The following ALDH1A3 variants were observed in gnomAD, a reference collection of about 807,000 sequenced individuals.
ALDH1A3 encodes the protein retinaldehyde dehydrogenase 3.
A neutral mutation model predicts 57.5 loss-of-function variants in ALDH1A3; 28 were observed. The ratio of observed to expected loss-of-function variants is 0.49; its 90% CI spans 0.36 to 0.67. The LOEUF is 0.67. Among genes scored for constraint, ALDH1A3 ranks in the 30% least tolerant of loss-of-function variants. The pLI, the probability that ALDH1A3 is intolerant of heterozygous loss-of-function variation, is 0.00. For missense variants in ALDH1A3, 507 were observed against 669.4 expected, an observed-to-expected ratio of 0.76 and a Z score of 2.68; for synonymous variants, 281 against 264.8, an observed-to-expected ratio of 1.06 and a Z score of -0.59.
At chr15:100,892,298 T>C in intron 3 of ALDH1A3, 1 of 607,630 alleles carries the variant, frequency 1.6e-6, no homozygotes, top group Non-Finnish European at 2.7e-6. Flanking sequence ...CAGCCCACTT[T>C]AGGTGTTTTG....
At chr15:100,899,995 C>A (rs2041750400) in intron 8 of ALDH1A3, among the ~76,000 whole-genome samples, 1 of 152,220 alleles carries the variant, frequency 6.6e-6, no homozygotes, top group Non-Finnish European at 1.5e-5. Context: ...CAATACCATT[C>A]TTATCCACTA....
chr15:100,894,083 G>A lies in ALDH1A3; in HGVS notation c.666+1G>A. ...TTATCTCGGCTCTCTGATCAAAGAG[G>A]TGAGACATCCAAAAAGAAAATATCA... On this transcript the variant is annotated splice_donor_variant, in intron 6 of 12. Coordinates refer to ENST00000329841, the MANE Select transcript of ALDH1A3 (RefSeq NM_000693.4). LOFTEE classifies it high-confidence loss of function. This position sits in a 1 kb window ranked among gnomAD's most constrained non-coding sequence, Gnocchi z 4.5. 1 of 1,613,688 alleles carries A rather than the reference G, an allele frequency of 6.2e-7. No individual in the cohort carries two copies. The highest frequency in any genetic ancestry group is 8.5e-7 in the Non-Finnish European group (1 of 1,179,876).
intron 3 of ALDH1A3, among the ~76,000 whole-genome samples, chr15:100,890,824 T>C (rs1282395376): frequency 6.6e-6 from 1 of 152,224 alleles, no homozygotes; most frequent in Non-Finnish European, 1.5e-5. Context: ...CTGTCTGGAA[T>C]AGGTCAGTCT....
intron 1 of ALDH1A3, chr15:100,880,423 G>C (rs1413101892): frequency 2.7e-6 from 1 of 366,610 alleles, no homozygotes; most frequent in Admixed American, 4.6e-5. Flanking sequence ...GTCTGGCTTT[G>C]AGAGGGTCGG....
intron 10 of ALDH1A3, 116 bp downstream of exon 10, chr15:100,905,803 G>T: frequency 8.8e-7 from 1 of 1,142,494 alleles, no homozygotes; most frequent in Non-Finnish European, 1.2e-6. Flanking sequence ...TGTTTTTGTT[G>T]CTGTTGTTGT....
intron 9 of ALDH1A3, among the ~76,000 whole-genome samples, chr15:100,901,170 A>G (rs990032359): frequency 6.6e-6 from 1 of 152,174 alleles, no homozygotes; most frequent in African/African-American, 2.4e-5. Flanking sequence ...GAAATCAAAC[A>G]ATCCCAGACG....
At chr15:100,883,648 G>GTT (rs4646652) in intron 1 of ALDH1A3, among the ~76,000 whole-genome samples, 1 of 146,076 alleles carries the variant, frequency 6.8e-6, no homozygotes. Context: ...GTTTTTGTGG[G>GTT]TTTTTTTTTT....
intron 8 of ALDH1A3, among the ~76,000 whole-genome samples, chr15:100,899,275 G>A (rs1042391443): frequency 1.3e-5 from 2 of 152,284 alleles, no homozygotes; most frequent in East Asian, 1.9e-4. Context: ...GGAGCCACAC[G>A]GAGCATTTCT....
At chr15:100,883,601 C>T (rs76489532) in intron 1 of ALDH1A3, among the ~76,000 whole-genome samples, 6,260 of 152,046 alleles carry the variant, frequency 0.041, 209 homozygotes, top group African/African-American at 0.093. Context: ...GGTCCCCAAC[C>T]GACTCAGACC....
At chr15:100,883,706 G>A (rs2041567983) in intron 1 of ALDH1A3, among the ~76,000 whole-genome samples, 1 of 151,512 alleles carries the variant, frequency 6.6e-6, no homozygotes, top group South Asian at 2.1e-4. Flanking sequence ...TGTGCAGGAT[G>A]TGCAGGTTTG....
intron 1 of ALDH1A3, chr15:100,880,911 C>A (rs912521038): frequency 1.3e-5 from 2 of 152,322 alleles, no homozygotes; most frequent in South Asian, 2.1e-4. Context: ...GTCTGGCGTG[C>A]GCGTCTGTCG....
chr15:100,895,310 C>A (rs896953906), intron 6 of ALDH1A3: 2 of 151,870 alleles, frequency 1.3e-5, no homozygotes, highest in African/African-American at 4.8e-5. Flanking sequence ...ATTAGCCAGG[C>A]GTGGTGGCGG....
intron 9 of ALDH1A3, among the ~76,000 whole-genome samples, chr15:100,902,854 C>T (rs1038955007): frequency 1.3e-5 from 2 of 152,350 alleles, no homozygotes; most frequent in Non-Finnish European, 2.9e-5. Flanking sequence ...CCCAGCACTG[C>T]CTGCAGGACA....
intron 8 of ALDH1A3, among the ~76,000 whole-genome samples, chr15:100,898,842 G>A (rs979262380): frequency 2.6e-5 from 4 of 152,216 alleles, no homozygotes; most frequent in African/African-American, 9.6e-5. Flanking sequence ...ATGTCCACAA[G>A]AGGGAAGGAA....
chr15:100,887,622 C>T lies in ALDH1A3; in HGVS notation c.255C>T (p.Gly85=). ...VEAAQVAFQR[G]SPWRRLDALS... is the part of the protein sequence containing the mutation. Reference sequence around the variant, plus strand: ...CTGCACAGGTTGCCTTCCAGAGGGGCTCGCCATGGCGCCGGCTGGATGCCC... The same window carrying T: ...CTGCACAGGTTGCCTTCCAGAGGGGTTCGCCATGGCGCCGGCTGGATGCCC... The change falls in exon 3 of 13, where the codon GGC becomes GGT. Residue 85 remains glycine, a synonymous_variant. Transcript: ENST00000329841. This position sits in a 1 kb window ranked among gnomAD's most constrained non-coding sequence, Gnocchi z 4.6. 2 of 1,611,698 alleles carry T rather than the reference C, an allele frequency of 1.2e-6. No individual in the cohort carries two copies. The highest frequency in any genetic ancestry group is 1.1e-5 in the South Asian group (1 of 90,574).
chr15:100,890,325 T>C (rs962826255), intron 3 of ALDH1A3, among the ~76,000 whole-genome samples: 7 of 152,258 alleles, frequency 4.6e-5, no homozygotes, highest in African/African-American at 1.7e-4. Context: ...TATGGTTTAC[T>C]CATGATTGAG....
At chr15:100,892,763 G>A (rs1215978247) in intron 4 of ALDH1A3, 124 bp downstream of exon 4, 3 of 1,404,854 alleles carry the variant, frequency 2.1e-6, no homozygotes, top group African/African-American at 2.9e-5. Flanking sequence ...TCTCCAAATG[G>A]TACTGCCAAT....
chr15:100,885,728 G>A (rs2041588727), intron 2 of ALDH1A3, among the ~76,000 whole-genome samples: 1 of 150,066 alleles, frequency 6.7e-6, no homozygotes, highest in Non-Finnish European at 1.5e-5. Context: ...ATTTCCCGCT[G>A]GTGTGTTTCA....
In ALDH1A3 at chr15:100,893,164, G is replaced by C; in HGVS notation, c.537+158G>C. 6.4e-6 allele frequency: 4 copies of C among 626,970 alleles called. No individual in the cohort carries two copies. The highest frequency in any genetic ancestry group is 1.1e-5 in the Non-Finnish European group (4 of 371,084). 38.8% of individuals were successfully genotyped at this position (626,970 alleles called of 1,614,324 possible). A position where few individuals can be genotyped will look rare whatever the true frequency, so the allele number is the denominator to read the frequency against. Reference sequence around the variant, plus strand: ...GAACTCCATGCTTGGGGGCTCTTGAGATGGATTAGACCCCATTTCTGCTCT... The same window carrying C: ...GAACTCCATGCTTGGGGGCTCTTGACATGGATTAGACCCCATTTCTGCTCT... On this transcript the variant is annotated intron_variant, in intron 5 of 12. Transcript: ENST00000329841. This position sits in a 1 kb window ranked among gnomAD's most constrained non-coding sequence, Gnocchi z 4.8.
Sources: gnomAD v4.1 joint callset for allele counts (sites outside exome capture counted in the v4.1 genomes callset) on GRCh38, gnomAD v4.1.1 for gene constraint, Gnocchi (gnomAD v3.1) non-coding constraint, MANE v1.5 for transcripts, NCBI Gene and HGNC (gene_info 2026-07-23, HGNC 2026-07-21) for gene names.